The following PPIG variants were observed in gnomAD, a reference collection of about 807,000 sequenced individuals.
The protein encoded by PPIG is peptidyl-prolyl cis-trans isomerase G.
A neutral mutation model predicts 87.9 loss-of-function variants in PPIG; 26 were observed. The ratio of observed to expected loss-of-function variants is 0.30; its 90% CI spans 0.22 to 0.41. The LOEUF (loss-of-function observed/expected upper bound fraction) is 0.41, where lower values mean the gene tolerates loss of function less well. PPIG is among the 10% of genes least tolerant of loss of function. PPIG has a pLI of 1.00. For synonymous variants in PPIG, 308 were observed against 276.5 expected, an observed-to-expected ratio of 1.11 and a Z score of -1.13; for missense variants, 722 against 879.4, an observed-to-expected ratio of 0.82 and a Z score of 2.26.
chr2:169,611,895 A>T (rs1206206022), intron 7 of PPIG, among the ~76,000 whole-genome samples: 1 of 152,186 alleles, frequency 6.6e-6, no homozygotes, highest in African/African-American at 2.4e-5. Flanking sequence ...TCTTAAAAAA[A>T]ATTTTTTTGT....
intron 1 of PPIG, among the ~76,000 whole-genome samples, chr2:169,590,573 C>T (rs1393688026): frequency 2.6e-5 from 4 of 151,298 alleles, no homozygotes; most frequent in African/African-American, 7.3e-5. Context: ...ACCCGGGAGG[C>T]GGAGCTTGCA....
At position 169,631,804 on chromosome 2, in the gene PPIG, A is replaced by C. The variant is rs1317626059; in HGVS notation, c.800A>C (p.Gln267Pro). The change falls in exon 11 of 14, where the codon CAA becomes CCA. Residue 267 changes from glutamine to proline, a missense_variant. Physicochemically the swap from Gln to Pro is moderately conservative, Grantham distance 76. Coordinates refer to ENST00000260970, the MANE Select transcript of PPIG (RefSeq NM_004792.3). ...AGTGAAGCTGAAAATCTTGAAGCAC[A>C]ACCCCAGTCTACTGTCCGTCCAGAA... ...SESEAENLEA[Q>P]PQSTVRPEEI... is the part of the protein sequence containing the mutation. The C allele has an allele frequency of 6.2e-7, 1 of 1,613,726 alleles. No individual in the cohort carries two copies. Among genetic ancestry groups the C allele is most frequent in the Non-Finnish European group, 8.5e-7 (1 of 1,179,810 alleles).
intron 1 of PPIG, among the ~76,000 whole-genome samples, chr2:169,594,761 A>AG: frequency 6.7e-6 from 1 of 150,372 alleles, no homozygotes; most frequent in Non-Finnish European, 1.5e-5. Flanking sequence ...AGTAGCTGGG[A>AG]TTACAGGTGC....
At chr2:169,626,093 A>G (rs1306166428) in intron 9 of PPIG, among the ~76,000 whole-genome samples, 2 of 152,202 alleles carry the variant, frequency 1.3e-5, no homozygotes, top group African/African-American at 4.8e-5. Flanking sequence ...TTGACTATGT[A>G]TATTGGTATA....
chr2:169,629,549 G>A (rs1685982180), intron 9 of PPIG, among the ~76,000 whole-genome samples: 1 of 152,156 alleles, frequency 6.6e-6, no homozygotes, highest in Non-Finnish European at 1.5e-5. Flanking sequence ...GTATTTCTCA[G>A]AAAAGGTAGG....
At chr2:169,597,093 T>G (rs1460470993) in intron 1 of PPIG, among the ~76,000 whole-genome samples, 3 of 152,072 alleles carry the variant, frequency 2.0e-5, no homozygotes, top group Non-Finnish European at 4.4e-5. Context: ...AACATAGGAG[T>G]GAAGATATCT....
chr2:169,603,043 A>G (rs1004462392), intron 1 of PPIG, among the ~76,000 whole-genome samples: 1 of 152,220 alleles, frequency 6.6e-6, no homozygotes, highest in Non-Finnish European at 1.5e-5. Context: ...TGGCTTGGAC[A>G]ATGATAATGT....
chr2:169,604,326 G>GT, intron 4 of PPIG, 65 bp downstream of exon 4: 12 of 488,274 alleles, frequency 2.5e-5, no homozygotes, highest in South Asian at 1.0e-4. Flanking sequence ...TTGCTTGCTT[G>GT]GTTTTTTTTT....
chr2:169,618,223 A>G (rs1265199845), intron 9 of PPIG, among the ~76,000 whole-genome samples: 1 of 152,148 alleles, frequency 6.6e-6, no homozygotes, highest in African/African-American at 2.4e-5. Context: ...GTGGTGGATA[A>G]GCTTTCTGAT....
rs1686165477 is a variant in PPIG, at chr2:169,635,894, A to G, written c.1018-198A>G. Reference sequence around the variant, plus strand: ...GGGAAATTTTAGTAATTTTCAGGGTATAGAAATATCAGACGTTTTATTTTA... The same window carrying G: ...GGGAAATTTTAGTAATTTTCAGGGTGTAGAAATATCAGACGTTTTATTTTA... On this transcript the variant is annotated intron_variant, in intron 12 of 13. Coordinates refer to ENST00000260970, the MANE Select transcript of PPIG (RefSeq NM_004792.3). Among the ~76,000 whole-genome samples the G allele has an allele frequency of 2.0e-5, 3 of 152,200 alleles. No individual in the cohort carries two copies. In the East Asian group the frequency reaches 5.8e-4, roughly 29 times the overall value.
intron 1 of PPIG, among the ~76,000 whole-genome samples, chr2:169,586,687 A>C (rs1374127053): frequency 6.6e-6 from 1 of 152,234 alleles, no homozygotes; most frequent in Non-Finnish European, 1.5e-5. Context: ...ATTCATAATA[A>C]AGTACTTCTG....
chr2:169,631,092 A>G (rs1686039238), intron 10 of PPIG, 105 bp downstream of exon 10: 1 of 1,056,722 alleles, frequency 9.5e-7, no homozygotes, highest in African/African-American at 1.6e-5. Context: ...ATAGTGAGAA[A>G]TATAGCATGG....
chr2:169,625,907 A>G (rs907017223), intron 9 of PPIG, among the ~76,000 whole-genome samples: 3 of 152,082 alleles, frequency 2.0e-5, no homozygotes, highest in Non-Finnish European at 4.4e-5. Flanking sequence ...ACAGTTCACA[A>G]TAGGGTTTGT....
intron 4 of PPIG, among the ~76,000 whole-genome samples, chr2:169,604,462 G>A (rs1345025106): frequency 6.7e-6 from 1 of 150,082 alleles, no homozygotes; most frequent in East Asian, 2.0e-4. Flanking sequence ...TACCACACCT[G>A]GCATAGCTTG....
At chr2:169,587,046 G>A (rs937279299) in intron 1 of PPIG, among the ~76,000 whole-genome samples, 2 of 151,984 alleles carry the variant, frequency 1.3e-5, no homozygotes, top group Non-Finnish European at 2.9e-5. Flanking sequence ...GGATTCTCAC[G>A]CCTCAGCCTC....
intron 9 of PPIG, among the ~76,000 whole-genome samples, chr2:169,621,164 A>G (rs1428544192): frequency 6.6e-6 from 1 of 152,134 alleles, no homozygotes; most frequent in Non-Finnish European, 1.5e-5. Context: ...TGCCCTAAGT[A>G]GATGATTCTC....
chr2:169,635,770 G>A (rs143161183), intron 12 of PPIG, among the ~76,000 whole-genome samples: 48 of 152,280 alleles, frequency 3.2e-4, no homozygotes, highest in Non-Finnish European at 6.5e-4. Context: ...TGGAGAAGAC[G>A]TATGGCTAGC....
chr2:169,609,050 C>G (rs1178846698), intron 7 of PPIG, among the ~76,000 whole-genome samples: 2 of 147,126 alleles, frequency 1.4e-5, no homozygotes, highest in Non-Finnish European at 3.0e-5. Flanking sequence ...CGCCACTGCA[C>G]TCCAGCCTGG....
chr2:169,600,609 T>C (rs1559177274), intron 1 of PPIG, among the ~76,000 whole-genome samples: 1 of 152,154 alleles, frequency 6.6e-6, no homozygotes, highest in Non-Finnish European at 1.5e-5. Context: ...TTTAGGATGC[T>C]CAATCATGAT....
Sources: gnomAD v4.1 joint callset for allele counts (sites outside exome capture counted in the v4.1 genomes callset) on GRCh38, gnomAD v4.1.1 for gene constraint, MANE v1.5 for transcripts, NCBI Gene and HGNC (gene_info 2026-07-23, HGNC 2026-07-21) for gene names.